Variants in MPHOSPH9 observed in about 807,000 individuals in gnomAD.
MPHOSPH9 encodes the protein M-phase phosphoprotein 9.
MPHOSPH9 carries 88 observed loss-of-function variants against 145.5 expected under a neutral mutation model. The ratio of observed to expected loss-of-function variants is 0.60; its 90% CI spans 0.51 to 0.72. The LOEUF is 0.72. MPHOSPH9 is among the 30% of genes least tolerant of loss of function. The pLI is 0.00. For synonymous variants in MPHOSPH9, 435 were observed against 486.2 expected (o/e 0.89, Z 1.39); for missense variants, 1,238 against 1,386.6 (o/e 0.89, Z 1.70).
intron 20 of MPHOSPH9, 128 bp downstream of exon 20, chr12:123,162,886 G>A (rs766837962): frequency 1.7e-5 from 15 of 877,456 alleles, no homozygotes; most frequent in Non-Finnish European, 2.4e-5. Context: ...ATTCACTTAT[G>A]ATTTAAATGA....
chr12:123,205,741 C>G (rs1309951097), intron 8 of MPHOSPH9, among the ~76,000 whole-genome samples: 1 of 152,160 alleles, frequency 6.6e-6, no homozygotes. Flanking sequence ...AAAAGTACCA[C>G]TTTTCACCAC....
chr12:123,210,977 CT>C (rs907442708), intron 7 of MPHOSPH9, among the ~76,000 whole-genome samples: 10,307 of 89,678 alleles, frequency 0.11, 531 homozygotes, highest in East Asian at 0.29. Context: ...TTTGTTTTTT[CT>C]TTTTTTTTTT....
upstream of MPHOSPH9, among the ~76,000 whole-genome samples, chr12:123,234,424 C>A (rs569740110): frequency 9.9e-5 from 15 of 152,052 alleles, no homozygotes; most frequent in South Asian, 2.9e-3. Flanking sequence ...GGGACAAGGT[C>A]TCTCTCTGTC....
At chr12:123,163,833 C>T in intron 19 of MPHOSPH9, 117 bp downstream of exon 19, 2 of 1,218,274 alleles carry the variant, frequency 1.6e-6, no homozygotes, top group South Asian at 2.9e-5. Context: ...GCTCAGAGTA[C>T]TCTACTAGGT....
Position 123,227,699 on chromosome 12 carries a change from C to T in MPHOSPH9, c.105-83G>A. ...TTCAGCAGTTCAAGATTTAGCAGAGCAGTACAAAACCACTGACATTTAATC... is the reference window on the plus strand; with the variant it reads ...TTCAGCAGTTCAAGATTTAGCAGAGTAGTACAAAACCACTGACATTTAATC... On this transcript the variant is annotated intron_variant, in intron 2 of 23. Coordinates refer to ENST00000606320, the MANE Select transcript of MPHOSPH9 (RefSeq NM_022782.4). The T allele has an allele frequency of 2.6e-6, 3 of 1,165,400 alleles. No individual in the cohort carries two copies. The South Asian group carries it at 6.6e-5, about 26-fold the overall frequency. The allele number at this position is 1,165,400 out of a possible 1,614,324, so 72.2% of individuals were successfully genotyped here.
At chr12:123,220,673 T>C (rs1271716292) in intron 5 of MPHOSPH9, among the ~76,000 whole-genome samples, 1 of 152,110 alleles carries the variant, frequency 6.6e-6, no homozygotes, top group African/African-American at 2.4e-5. Context: ...GGAGGATCAC[T>C]TGAGCCCAGG....
intron 23 of MPHOSPH9, among the ~76,000 whole-genome samples, chr12:123,158,578 G>C (rs1345345592): frequency 6.6e-6 from 1 of 152,040 alleles, no homozygotes; most frequent in Non-Finnish European, 1.5e-5. Flanking sequence ...GACAGAATGA[G>C]ACCCTGTCTC....
At chr12:123,162,413 TA>T in intron 20 of MPHOSPH9, 195 bp from the exon 21 acceptor site, 1 of 367,596 alleles carries the variant, frequency 2.7e-6, no homozygotes, top group Non-Finnish European at 4.9e-6. Context: ...ACTAAAGACT[TA>T]AAACACTTAC....
At chr12:123,215,886 T>C (rs1046746526) in intron 6 of MPHOSPH9, among the ~76,000 whole-genome samples, 2 of 152,226 alleles carry the variant, frequency 1.3e-5, no homozygotes, top group African/African-American at 4.8e-5. Context: ...AAGGCACCAC[T>C]TATTTTCTTT....
At chr12:123,152,799 TAC>T (rs1457126974), downstream of MPHOSPH9, 1 of 300,864 alleles carries the variant, frequency 3.3e-6, no homozygotes, top group East Asian at 9.0e-5. Flanking sequence ...CTGTCAACCA[TAC>T]ATGGTCCCTC....
intron 18 of MPHOSPH9, among the ~76,000 whole-genome samples, chr12:123,164,374 G>A (rs1374307832): frequency 1.1e-4 from 17 of 152,154 alleles, no homozygotes; most frequent in Admixed American, 1.1e-3. Flanking sequence ...TTTTCAAGAG[G>A]GTTATTTTTA....
chr12:123,226,706 G>C (rs2047452059), intron 3 of MPHOSPH9, among the ~76,000 whole-genome samples: 1 of 151,896 alleles, frequency 6.6e-6, no homozygotes, highest in South Asian at 2.1e-4. Flanking sequence ...ATAGCTCACT[G>C]CAACCCTGAC....
At chr12:123,166,931 G>A in intron 16 of MPHOSPH9, 142 bp from the exon 17 acceptor site, 1 of 879,046 alleles carries the variant, frequency 1.1e-6, no homozygotes, top group South Asian at 2.2e-5. Context: ...TCTATATTTT[G>A]GATACAATTT....
chr12:123,200,712 G>A (rs960135495), intron 11 of MPHOSPH9, among the ~76,000 whole-genome samples: 16 of 150,104 alleles, frequency 1.1e-4, no homozygotes, highest in Middle Eastern at 3.2e-3. Flanking sequence ...GTGCAGGAGT[G>A]CAGTGACACA....
intron 20 of MPHOSPH9, chr12:123,162,544 G>A (rs2044153667): frequency 1.1e-5 from 2 of 184,668 alleles, no homozygotes; most frequent in Non-Finnish European, 2.2e-5. Flanking sequence ...ATCTCCGCAA[G>A]AGCCTGACAG....
At chr12:123,197,992 G>A (rs548755920) in intron 12 of MPHOSPH9, among the ~76,000 whole-genome samples, 2 of 151,260 alleles carry the variant, frequency 1.3e-5, no homozygotes. Context: ...GCTGAGGCAG[G>A]AGAATGGCGT....
In MPHOSPH9 at chr12:123,181,163, C is replaced by CT; in HGVS notation, c.2288dup (p.Asp764GlyfsTer7). ...TAGAACATGAACCATTACCCCTTAC[C>CT]TTTACTCTCCTGTGTTCTTTTCCAA... On this transcript the variant is annotated frameshift_variant and splice_region_variant, in exon 14 of 24. Transcript: ENST00000606320. LOFTEE classifies it high-confidence loss of function. 6.2e-7 allele frequency: 1 copy of CT among 1,611,052 alleles called. No individual in the cohort carries two copies. The highest frequency in any genetic ancestry group is 8.5e-7 in the Non-Finnish European group (1 of 1,177,364).
chr12:123,234,137 T>G (rs898834601), upstream of MPHOSPH9, among the ~76,000 whole-genome samples: 1 of 152,096 alleles, frequency 6.6e-6, no homozygotes, highest in Non-Finnish European at 1.5e-5. Flanking sequence ...CTCCTCCCCG[T>G]GGGACCCCAG....
At chr12:123,175,182 G>A (rs1189073752) in intron 16 of MPHOSPH9, among the ~76,000 whole-genome samples, 1 of 149,952 alleles carries the variant, frequency 6.7e-6, no homozygotes, top group Non-Finnish European at 1.5e-5. Flanking sequence ...ACGGAGTCTT[G>A]CTCTGTCTCC....
Sources: gnomAD v4.1 joint callset for allele counts (sites outside exome capture counted in the v4.1 genomes callset) on GRCh38, gnomAD v4.1.1 for gene constraint, MANE v1.5 for transcripts, NCBI Gene and HGNC (gene_info 2026-07-23, HGNC 2026-07-21) for gene names.